The following TMEM272 variants were observed in gnomAD, a reference collection of about 807,000 sequenced individuals.
The protein encoded by TMEM272 is transmembrane protein 272.
In TMEM272, 8 loss-of-function variants were observed where a neutral mutation model predicts 3.7. The observed-to-expected ratio is 2.17, with a 90% CI of 1.27 to 3.91. The LOEUF is 3.91. Ranked by LOEUF, TMEM272 falls within the 30% of genes most tolerant of loss-of-function variation. The probability of loss-of-function intolerance (pLI) is 0.00; values close to 1 mark genes in which losing one functional copy is unlikely to be tolerated. For synonymous variants in TMEM272, 63 were observed against 39.8 expected (o/e 1.58, Z -2.20); for missense variants, 166 against 91.5 (o/e 1.81, Z -3.32).
At chr13:51,919,752 A>G in the TMEM272 span, among the ~76,000 whole-genome samples, 3 of 152,240 alleles carry the variant, frequency 2.0e-5, no homozygotes, top group African/African-American at 7.2e-5. Context: ...CTGCCTTTGC[A>G]GGTCTCCTGC....
Position 51,816,503 on chromosome 13 carries a change from C to A in TMEM272, c.*248G>T. ...ATCCCTTTGAAAACTCTTGTGAGAACAAAATTCCCACTCTGAAAAGAGCAG... is the reference window on the plus strand; with the variant it reads ...ATCCCTTTGAAAACTCTTGTGAGAAAAAAATTCCCACTCTGAAAAGAGCAG... On this transcript the variant is annotated 3_prime_UTR_variant, in exon 5 of 5. Coordinates refer to ENST00000629372, the MANE Select transcript of TMEM272 (RefSeq NM_001351003.2). 2.4e-6 allele frequency: 1 copy of A among 415,872 alleles called. No individual in the cohort carries two copies. Among genetic ancestry groups the A allele is most frequent in the Non-Finnish European group, 4.3e-6 (1 of 230,974 alleles). The allele number at this position is 415,872 out of a possible 1,614,324, so 25.8% of individuals were successfully genotyped here. A position where few individuals can be genotyped will look rare whatever the true frequency, so the allele number is the denominator to read the frequency against.
chr13:51,848,604 A>T (rs556610665), upstream of TMEM272, among the ~76,000 whole-genome samples: 1 of 152,326 alleles, frequency 6.6e-6, no homozygotes, highest in Non-Finnish European at 1.5e-5. Flanking sequence ...AGGAATTTTG[A>T]TGCAAAAGAG....
chr13:51,866,471 G>A, the TMEM272 span, among the ~76,000 whole-genome samples: 4 of 152,204 alleles, frequency 2.6e-5, no homozygotes, highest in Non-Finnish European at 5.9e-5. Flanking sequence ...CGCTGTCTCC[G>A]CCACGCTGTG....
At chr13:51,863,584 C>T in the TMEM272 span, among the ~76,000 whole-genome samples, 2 of 151,928 alleles carry the variant, frequency 1.3e-5, no homozygotes, top group Non-Finnish European at 2.9e-5. Context: ...GGATGTGCCC[C>T]TGGTTCTGGT....
chr13:51,927,937 T>C, the TMEM272 span, among the ~76,000 whole-genome samples: 6 of 152,248 alleles, frequency 3.9e-5, no homozygotes, highest in South Asian at 1.2e-3. Flanking sequence ...AAGCCCAGAA[T>C]GGTGAGTGAC....
At chr13:51,869,563 C>T in the TMEM272 span, among the ~76,000 whole-genome samples, 1 of 151,604 alleles carries the variant, frequency 6.6e-6, no homozygotes, top group Admixed American at 6.6e-5. Context: ...GATCTCGGCT[C>T]ACTGCAACCT....
chr13:51,838,010 C>G (rs1007130844), intron 2 of TMEM272, among the ~76,000 whole-genome samples: 5 of 152,202 alleles, frequency 3.3e-5, no homozygotes, highest in African/African-American at 1.2e-4. Context: ...AAACACAAGA[C>G]AGACTGGGTC....
chr13:51,919,393 G>GC, the TMEM272 span, among the ~76,000 whole-genome samples: 1 of 152,056 alleles, frequency 6.6e-6, no homozygotes, highest in African/African-American at 2.4e-5. Context: ...ATAGCTGAAG[G>GC]CCCCGACACA....
chr13:51,911,859 C>T, the TMEM272 span, among the ~76,000 whole-genome samples: 3 of 152,088 alleles, frequency 2.0e-5, no homozygotes, highest in African/African-American at 7.2e-5. Context: ...ATCTCCTCCT[C>T]TCCGACCCAC....
At chr13:51,822,668 TCACCA>T (rs1956090187) in intron 3 of TMEM272, among the ~76,000 whole-genome samples, 1 of 152,124 alleles carries the variant, frequency 6.6e-6, no homozygotes, top group Non-Finnish European at 1.5e-5. Context: ...TTAGTCACAG[TCACCA>T]TATGATAACC....
chr13:51,831,598 C>T (rs1308887454), intron 2 of TMEM272, among the ~76,000 whole-genome samples: 1 of 152,186 alleles, frequency 6.6e-6, no homozygotes, highest in Non-Finnish European at 1.5e-5. Context: ...CAGCACGAGG[C>T]CTTCTTTACC....
chr13:51,886,064 C>G, the TMEM272 span, among the ~76,000 whole-genome samples: 9 of 152,206 alleles, frequency 5.9e-5, no homozygotes, highest in African/African-American at 1.9e-4. Flanking sequence ...AGCTTCCCCG[C>G]CTGGTACCTA....
At chr13:51,910,081 T>G in the TMEM272 span, 1 of 1,136,100 alleles carries the variant, frequency 8.8e-7, no homozygotes, top group Non-Finnish European at 1.3e-6. Context: ...TTGAGGGATT[T>G]TGACTCATCT....
intron 1 of TMEM272, among the ~76,000 whole-genome samples, chr13:51,840,539 G>A (rs1309854005): frequency 6.6e-6 from 1 of 152,126 alleles, no homozygotes; most frequent in Non-Finnish European, 1.5e-5. Flanking sequence ...TGGCAGGGCT[G>A]AGCACCCAAG....
chr13:51,867,683 C>G, the TMEM272 span, among the ~76,000 whole-genome samples: 25 of 152,136 alleles, frequency 1.6e-4, no homozygotes, highest in African/African-American at 5.6e-4. Flanking sequence ...CTCTGATTCT[C>G]AGAGGAAGCA....
At chr13:51,862,704 G>T in the TMEM272 span, among the ~76,000 whole-genome samples, 1 of 152,148 alleles carries the variant, frequency 6.6e-6, no homozygotes, top group Non-Finnish European at 1.5e-5. Flanking sequence ...TGAAGGATTC[G>T]CTAGGTGAAC....
At chr13:51,879,491 T>C in the TMEM272 span, among the ~76,000 whole-genome samples, 1 of 152,220 alleles carries the variant, frequency 6.6e-6, no homozygotes. Flanking sequence ...CAGATGACTT[T>C]AAGGGGTTTC....
chr13:51,919,781 T>C, the TMEM272 span, among the ~76,000 whole-genome samples: 2 of 152,380 alleles, frequency 1.3e-5, no homozygotes, highest in Admixed American at 1.3e-4. Context: ...TGCGTGAGCA[T>C]GTCGCTCTCC....
At chr13:51,861,954 G>C in the TMEM272 span, 1 of 152,320 alleles carries the variant, frequency 6.6e-6, no homozygotes, top group East Asian at 1.9e-4. Context: ...TCACTTGTGA[G>C]TCATCAACAG....
Sources: allele counts gnomAD v4.1 joint callset (sites outside exome capture counted in the v4.1 genomes callset), GRCh38; gene constraint gnomAD v4.1.1; transcripts MANE v1.5; gene names NCBI Gene and HGNC (gene_info 2026-07-23, HGNC 2026-07-21).